EPHA7: variants seen among roughly 807,000 people sequenced by gnomAD.
The protein encoded by EPHA7 is ephrin type-A receptor 7.
A neutral mutation model predicts 112.6 loss-of-function variants in EPHA7; 25 were observed. That is an observed-to-expected ratio of 0.22 (90% CI 0.16 to 0.31). EPHA7 has a LOEUF of 0.31. Among genes scored for constraint, EPHA7 ranks in the 10% least tolerant of loss-of-function variants. The pLI is 1.00. For synonymous variants in EPHA7, 437 were observed against 406.5 expected (o/e 1.07, Z -0.90); for missense variants, 962 against 1,212.6 (o/e 0.79, Z 3.07).
chr6:93,286,848 C>T (rs748976181), intron 5 of EPHA7, among the ~76,000 whole-genome samples: 1 of 152,034 alleles, frequency 6.6e-6, no homozygotes, highest in African/African-American at 2.4e-5. Flanking sequence ...GCAAAGGTTG[C>T]GTCTGAAACA....
Position 93,417,869 on chromosome 6 carries a change from CAGA to C in EPHA7, c.97+1373_97+1375del, listed in dbSNP as rs1318239731. 2.0e-5 allele frequency among the ~76,000 whole-genome samples: 3 copies of C among 151,944 alleles called. No individual in the cohort carries two copies. The South Asian group carries it at 6.2e-4, about 32-fold the overall frequency. On this transcript the variant is annotated intron_variant, in intron 1 of 16. Transcript: ENST00000369303. Reference sequence around the variant, plus strand: ...AGGTTGCAGATGTGGAAAGTGGGGTCAGAAGGTCAGGCTGAAAGAAGGACTAGA... The same window carrying C: ...AGGTTGCAGATGTGGAAAGTGGGGTCAGGTCAGGCTGAAAGAAGGACTAGA...
intron 3 of EPHA7, among the ~76,000 whole-genome samples, chr6:93,403,023 C>T (rs1008655073): frequency 6.6e-6 from 1 of 151,940 alleles, no homozygotes; most frequent in African/African-American, 2.4e-5. Context: ...ATATTATCTT[C>T]ACATGAATAA....
chr6:93,385,643 C>T (rs1249798045), intron 3 of EPHA7, among the ~76,000 whole-genome samples: 1 of 151,680 alleles, frequency 6.6e-6, no homozygotes, highest in African/African-American at 2.4e-5. Flanking sequence ...TGTTCTACTC[C>T]CATGAGGCTT....
At chr6:93,276,059 G>A (rs1382794079) in intron 5 of EPHA7, among the ~76,000 whole-genome samples, 1 of 151,990 alleles carries the variant, frequency 6.6e-6, no homozygotes, top group African/African-American at 2.4e-5. Context: ...CAGCAAAGTA[G>A]GCAGAGTGAC....
intron 7 of EPHA7, among the ~76,000 whole-genome samples, chr6:93,267,540 G>A (rs766133380): frequency 2.6e-5 from 4 of 151,688 alleles, no homozygotes; most frequent in Non-Finnish European, 5.9e-5. Context: ...TGAAACCATA[G>A]TAGGCACTGG....
rs77120467 is a variant in EPHA7 at position 93,330,608 on chromosome 6, C to A, written c.1324+26109G>T. Among the ~76,000 whole-genome samples, 621 of 151,328 alleles carry A rather than the reference C, an allele frequency of 4.1e-3. 2 individuals carry two copies. The highest frequency in any genetic ancestry group is 9.9e-3 in the Admixed American group (150 of 15,094). On this transcript the variant is annotated intron_variant, in intron 5 of 16. Transcript: ENST00000369303. Reference sequence around the variant, plus strand: ...GGCTCAACAACATTGCTACAAATAACCAGATTTCTTTCTTTTTTATGGCTG... The same window carrying A: ...GGCTCAACAACATTGCTACAAATAAACAGATTTCTTTCTTTTTTATGGCTG...
Position 93,241,662 on chromosome 6 carries a change from C to T in EPHA7, c.*1764G>A. On this transcript the variant is annotated 3_prime_UTR_variant, in exon 17 of 17. Coordinates refer to ENST00000369303, the MANE Select transcript of EPHA7 (RefSeq NM_004440.4). Reference sequence around the variant, plus strand: ...GTGGGGAGGGGTTTGGGAAGCAATCCATTTGAGTTTTTCTATAGCCGTCTT... The same window carrying T: ...GTGGGGAGGGGTTTGGGAAGCAATCTATTTGAGTTTTTCTATAGCCGTCTT... 1 of 223,648 alleles carries T rather than the reference C, an allele frequency of 4.5e-6. No homozygotes were observed. Among genetic ancestry groups the T allele is most frequent in the Non-Finnish European group, 8.9e-6 (1 of 111,812 alleles). 13.9% of individuals were successfully genotyped at this position (223,648 alleles called of 1,614,324 possible). A position where few individuals can be genotyped will look rare whatever the true frequency, so the allele number is the denominator to read the frequency against.
intron 9 of EPHA7, among the ~76,000 whole-genome samples, chr6:93,262,312 C>T (rs184532329): frequency 1.6e-3 from 248 of 151,520 alleles, no homozygotes; most frequent in African/African-American, 5.7e-3. Flanking sequence ...TGAGGCTTGT[C>T]GCAGGAAAAT....
chr6:93,344,351 G>A (rs111241036), intron 5 of EPHA7, among the ~76,000 whole-genome samples: 3 of 151,474 alleles, frequency 2.0e-5, no homozygotes, highest in African/African-American at 4.8e-5. Context: ...TGGGTTCTTG[G>A]TGATGTCAGG....
rs765208949 is a variant in EPHA7 at position 93,243,540 on chromosome 6, C to A, written c.2883G>T (p.Glu961Asp). The change falls in exon 17 of 17, where the codon GAG becomes GAT. Residue 961 changes from glutamate to aspartate, a missense_variant and splice_region_variant. Glu to Asp is a conservative substitution (Grantham distance 45). This residue lies in a region of EPHA7 where 746 missense variants were observed against 889.2 expected (regional missense o/e 0.84). Transcript: ENST00000369303. ...GTGTGATCCCTAAACTCATCACATC[C>A]CTGAAAAAGACAAATGCACTTTTTA... Reference protein sequence around the residue: ...SLESVARMTIEDVMSLGITLV... With the variant: ...SLESVARMTIDDVMSLGITLV... 65 of 1,608,192 alleles carry A rather than the reference C, an allele frequency of 4.0e-5. No individual in the cohort carries two copies. The highest frequency in any genetic ancestry group is 5.5e-5 in the Non-Finnish European group (65 of 1,175,060).
chr6:93,299,055 G>C (rs1026471036), intron 5 of EPHA7, among the ~76,000 whole-genome samples: 4 of 152,094 alleles, frequency 2.6e-5, no homozygotes, highest in Admixed American at 6.6e-5. Context: ...AGCCGGGCGC[G>C]GTGGCTCAAG....
intron 3 of EPHA7, among the ~76,000 whole-genome samples, chr6:93,389,596 C>T (rs1295267866): frequency 1.3e-5 from 2 of 151,912 alleles, no homozygotes; most frequent in Non-Finnish European, 2.9e-5. Context: ...AGTAAAGTAT[C>T]ATTAAATTCT....
At chr6:93,387,049 T>G (rs529268078) in intron 3 of EPHA7, among the ~76,000 whole-genome samples, 3 of 152,266 alleles carry the variant, frequency 2.0e-5, no homozygotes, top group African/African-American at 7.2e-5. Flanking sequence ...AACTAACATT[T>G]GGCTCCTTAT....
chr6:93,277,169 A>T (rs1771509320), intron 5 of EPHA7, among the ~76,000 whole-genome samples: 2 of 152,094 alleles, frequency 1.3e-5, no homozygotes, highest in Non-Finnish European at 2.9e-5. Context: ...AATCCTTGAA[A>T]TAACAAATGC....
intron 7 of EPHA7, among the ~76,000 whole-genome samples, chr6:93,265,037 C>T (rs1770865758): frequency 6.6e-6 from 1 of 151,620 alleles, no homozygotes; most frequent in African/African-American, 2.4e-5. Context: ...TATTGTTCCT[C>T]AGCAAGGCAT....
intron 5 of EPHA7, among the ~76,000 whole-genome samples, chr6:93,309,868 A>G (rs956098340): frequency 1.3e-5 from 2 of 152,212 alleles, no homozygotes; most frequent in African/African-American, 4.8e-5. Context: ...TTAATGCTCT[A>G]ATATCAGAAA....
chr6:93,358,326 G>A lies in EPHA7; in HGVS notation c.918C>T (p.Gly306=). ...CATCTTCACATTCACATCTGGAGGA[G>A]CCTTCTTTATCAGAAAAACTGTGAG... The part of the protein sequence containing the change: ...CPTHSFSDKE[G]SSRCECEDGY... Residue 306 remains glycine, a synonymous_variant, in exon 4 of 17, where the codon GGC becomes GGT. Coordinates refer to ENST00000369303, the MANE Select transcript of EPHA7 (RefSeq NM_004440.4). 6.2e-7 allele frequency: 1 copy of A among 1,613,674 alleles called. No individual in the cohort carries two copies. Among genetic ancestry groups the A allele is most frequent in the Non-Finnish European group, 8.5e-7 (1 of 1,179,788 alleles).
At chr6:93,399,606 T>C (rs1778341611) in intron 3 of EPHA7, among the ~76,000 whole-genome samples, 1 of 152,110 alleles carries the variant, frequency 6.6e-6, no homozygotes, top group South Asian at 2.1e-4. Flanking sequence ...CTAAAAATGA[T>C]TCAAGAAGAT....
chr6:93,339,126 A>G (rs1337526514), intron 5 of EPHA7, among the ~76,000 whole-genome samples: 1 of 151,612 alleles, frequency 6.6e-6, no homozygotes, highest in Non-Finnish European at 1.5e-5. Context: ...AAAACTGGCA[A>G]TAAAATAAGT....
Sources: gnomAD v4.1 joint callset for allele counts (sites outside exome capture counted in the v4.1 genomes callset) on GRCh38, gnomAD v4.1.1 for gene constraint, gnomAD v4.1.1 regional missense constraint, MANE v1.5 for transcripts, NCBI Gene and HGNC (gene_info 2026-07-23, HGNC 2026-07-21) for gene names.